CSMD3: variants seen among roughly 807,000 people sequenced by gnomAD.
The protein encoded by CSMD3 is CUB and Sushi multiple domains 3, also known as CUB and sushi domain-containing protein 3.
CSMD3 carries 177 observed loss-of-function variants against 435.2 expected under a neutral mutation model. The ratio of observed to expected loss-of-function variants is 0.41; its 90% confidence interval spans 0.36 to 0.46. CSMD3 has a LOEUF of 0.46. Among genes scored for constraint, CSMD3 ranks in the 20% least tolerant of loss-of-function variants. The pLI, the probability that CSMD3 is intolerant of heterozygous loss-of-function variation, is 0.34. For synonymous variants in CSMD3, 1,656 were observed against 1,520.5 expected (o/e 1.09, Z -2.07); for missense variants, 4,265 against 4,504.6 (o/e 0.95, Z 1.52).
In CSMD3 at chr8:112,311,079, G is replaced by C; in HGVS notation, c.7784C>G (p.Ala2595Gly). ...GGQLNSVVRW[A>G]CDRGFRLVGK... ...AACAAGTCGGAATCCTCGATCACAGGCCCAACGGACCACACTGTTAAGCTG... is the reference window on the plus strand; with the variant it reads ...AACAAGTCGGAATCCTCGATCACAGCCCCAACGGACCACACTGTTAAGCTG... Residue 2595 changes from alanine to glycine, a missense_variant, in exon 50 of 71, where the codon GCC (alanine) becomes GGC (glycine). This residue lies in a region of CSMD3 where 3,255 missense variants were observed against 3,380.2 expected (regional missense o/e 0.96). Coordinates refer to ENST00000297405, the MANE Select transcript of CSMD3 (RefSeq NM_198123.2). The C allele has an allele frequency of 1.2e-6, 2 of 1,613,908 alleles. No homozygotes were observed. Among genetic ancestry groups the C allele is most frequent in the Non-Finnish European group, 1.7e-6 (2 of 1,179,940 alleles).
At chr8:112,621,381 A>G (rs779590895) in intron 22 of CSMD3, among the ~76,000 whole-genome samples, 8 of 152,174 alleles carry the variant, frequency 5.3e-5, no homozygotes, top group Non-Finnish European at 1.2e-4. Context: ...AGTTAAAGGT[A>G]AAATCTCTAT....
chr8:113,233,701 G>C (rs528238617), intron 3 of CSMD3, among the ~76,000 whole-genome samples: 1 of 151,656 alleles, frequency 6.6e-6, no homozygotes. Flanking sequence ...ATTAAGAAAA[G>C]TTGAGAAGGA....
intron 3 of CSMD3, among the ~76,000 whole-genome samples, chr8:113,213,640 C>A (rs1221184333): frequency 6.6e-6 from 1 of 151,678 alleles, no homozygotes; most frequent in Non-Finnish European, 1.5e-5. Flanking sequence ...TGAGTATAAT[C>A]TGAAGATTAA....
At chr8:112,622,520 G>A (rs35303173) in intron 22 of CSMD3, among the ~76,000 whole-genome samples, 6 of 151,992 alleles carry the variant, frequency 3.9e-5, no homozygotes, top group African/African-American at 1.2e-4. Flanking sequence ...CTTTTAATTT[G>A]TCCAGTCCTT....
At chr8:113,392,648 T>C (rs1014853612) in intron 1 of CSMD3, among the ~76,000 whole-genome samples, 5 of 152,102 alleles carry the variant, frequency 3.3e-5, no homozygotes, top group Non-Finnish European at 7.4e-5. Context: ...GGATATTAGA[T>C]TCTCAACTAT....
intron 65 of CSMD3, among the ~76,000 whole-genome samples, chr8:112,243,175 A>G (rs1814333162): frequency 6.6e-6 from 1 of 152,104 alleles, no homozygotes; most frequent in Non-Finnish European, 1.5e-5. Flanking sequence ...GTGGAAGCAG[A>G]TAATTACAAG....
intron 11 of CSMD3, among the ~76,000 whole-genome samples, chr8:112,840,042 T>G (rs982564158): frequency 6.6e-6 from 1 of 151,696 alleles, no homozygotes; most frequent in African/African-American, 2.4e-5. Flanking sequence ...TCAGTTTATA[T>G]CTGTGGAAGG....
intron 3 of CSMD3, among the ~76,000 whole-genome samples, chr8:113,224,845 A>G (rs1365522929): frequency 6.6e-6 from 1 of 150,930 alleles, no homozygotes; most frequent in Non-Finnish European, 1.5e-5. Context: ...TTTGATTATT[A>G]AGTTCATCTA....
At chr8:112,706,241 T>G (rs188125931) in intron 13 of CSMD3, among the ~76,000 whole-genome samples, 1 of 151,940 alleles carries the variant, frequency 6.6e-6, no homozygotes, top group Admixed American at 6.6e-5. Flanking sequence ...TATCTATCAC[T>G]ATTCAAAAAA....
chr8:113,115,513 T>G (rs1325349579), intron 4 of CSMD3, among the ~76,000 whole-genome samples: 3 of 152,210 alleles, frequency 2.0e-5, no homozygotes, highest in Non-Finnish European at 2.9e-5. Context: ...TAATAGATTA[T>G]TTTTGCATGT....
chr8:113,432,658 G>A (rs1586194269), intron 1 of CSMD3, among the ~76,000 whole-genome samples: 1 of 152,170 alleles, frequency 6.6e-6, no homozygotes, highest in South Asian at 2.1e-4. Context: ...ATCCCCACTC[G>A]TTGTTTCCCC....
rs925161739 is a variant in CSMD3 at position 113,323,807 on chromosome 8, A to G, written c.179-9014T>C. On this transcript the variant is annotated intron_variant, in intron 1 of 70. Coordinates refer to ENST00000297405, the MANE Select transcript of CSMD3 (RefSeq NM_198123.2). Reference sequence around the variant, plus strand: ...GAATGCTTGTTTTTGTCACTAGAAAATAAATATAAAAGGTACATTTTTATA... The same window carrying G: ...GAATGCTTGTTTTTGTCACTAGAAAGTAAATATAAAAGGTACATTTTTATA... Among the ~76,000 whole-genome samples the G allele has an allele frequency of 2.6e-5, 4 of 152,200 alleles. 1 individual carries two copies. The highest frequency in any genetic ancestry group is 2.6e-4 in the Admixed American group (4 of 15,280).
chr8:113,430,826 A>G (rs1404372202), intron 1 of CSMD3, among the ~76,000 whole-genome samples: 2 of 152,212 alleles, frequency 1.3e-5, no homozygotes, highest in African/African-American at 4.8e-5. Context: ...AAAGATTTCA[A>G]ATTAGGTTGC....
chr8:113,293,023 C>A (rs567183944), intron 2 of CSMD3, among the ~76,000 whole-genome samples: 9 of 151,762 alleles, frequency 5.9e-5, no homozygotes, highest in Non-Finnish European at 1.0e-4. Flanking sequence ...AACACATTAT[C>A]TTTGTGATGT....
intron 10 of CSMD3, among the ~76,000 whole-genome samples, chr8:112,917,060 G>C (rs1452323649): frequency 6.6e-6 from 1 of 151,886 alleles, no homozygotes; most frequent in East Asian, 1.9e-4. Flanking sequence ...TGTTTATAAA[G>C]AAAGGAATTG....
intron 4 of CSMD3, among the ~76,000 whole-genome samples, chr8:113,122,924 G>T (rs2091025380): frequency 6.6e-6 from 1 of 150,902 alleles, no homozygotes; most frequent in South Asian, 2.1e-4. Context: ...CAGGCAGGAG[G>T]AAGCTAGGAA....
intron 1 of CSMD3, among the ~76,000 whole-genome samples, chr8:113,394,184 A>ACACG (rs1156758700): frequency 6.6e-6 from 1 of 151,790 alleles, no homozygotes; most frequent in Non-Finnish European, 1.5e-5. Context: ...ACACACACAC[A>ACACG]CACACACAAG....
chr8:112,688,666 T>C (rs2076065370), intron 14 of CSMD3, among the ~76,000 whole-genome samples: 1 of 152,114 alleles, frequency 6.6e-6, no homozygotes, highest in African/African-American at 2.4e-5. Context: ...ATTTGTATTT[T>C]ATAATTGTAT....
chr8:112,870,989 T>A (rs2081120464), intron 10 of CSMD3, among the ~76,000 whole-genome samples: 1 of 152,130 alleles, frequency 6.6e-6, no homozygotes, highest in South Asian at 2.1e-4. Flanking sequence ...AATTTCGGAG[T>A]TTTTCTCCTG....
Sources: allele counts gnomAD v4.1 joint callset (sites outside exome capture counted in the v4.1 genomes callset), GRCh38; gene constraint gnomAD v4.1.1; regional missense constraint gnomAD v4.1.1; transcripts MANE v1.5; gene names NCBI Gene and HGNC (gene_info 2026-07-23, HGNC 2026-07-21).